STAG1: variants seen among roughly 807,000 people sequenced by gnomAD.
STAG1 encodes cohesin subunit SA-1.
Under a neutral mutation model 170.9 loss-of-function variants are expected in STAG1, and 26 were observed. The ratio of observed to expected loss-of-function variants is 0.15; its 90% CI spans 0.11 to 0.21. The LOEUF is 0.21. STAG1 is among the 10% of genes least tolerant of loss of function. The pLI is 1.00. For missense variants in STAG1, 964 were observed against 1,509.5 expected (o/e 0.64, Z 5.99); for synonymous variants, 514 against 497.7 (o/e 1.03, Z -0.44).
At chr3:136,493,656 G>GAA (rs549570470) in intron 9 of STAG1, among the ~76,000 whole-genome samples, 7 of 63,156 alleles carry the variant, frequency 1.1e-4, no homozygotes, top group Non-Finnish European at 1.6e-4. Flanking sequence ...TCCTGTCTCC[G>GAA]AAAAAAAAAA....
intron 4 of STAG1, among the ~76,000 whole-genome samples, chr3:136,570,614 T>C (rs1052992329): frequency 1.3e-5 from 2 of 152,212 alleles, no homozygotes; most frequent in African/African-American, 4.8e-5. Flanking sequence ...AAACAATTTC[T>C]CATAACAAGT....
At chr3:136,504,961 C>T (rs942808930) in intron 7 of STAG1, among the ~76,000 whole-genome samples, 2 of 152,028 alleles carry the variant, frequency 1.3e-5, no homozygotes, top group African/African-American at 2.4e-5. Context: ...TCTTCGGAAA[C>T]ATATTAGGTA....
chr3:136,605,218 A>C (rs1449371748), intron 3 of STAG1, among the ~76,000 whole-genome samples: 1 of 152,206 alleles, frequency 6.6e-6, no homozygotes, highest in Non-Finnish European at 1.5e-5. Flanking sequence ...CAATAAACAA[A>C]ACAGACAAAC....
chr3:136,734,708 G>GT lies in STAG1; in HGVS notation c.-84+17486dup, dbSNP rs565067043. 4.2e-3 allele frequency among the ~76,000 whole-genome samples: 636 copies of GT among 152,202 alleles called. 3 individuals are homozygous for GT. Among genetic ancestry groups the GT allele is most frequent in the Admixed American group, 7.6e-3 (116 of 15,282 alleles). On this transcript the variant is annotated intron_variant, in intron 1 of 33. Transcript: ENST00000383202. ...TGGTTTGTTTTGTTGCTTTAGGGGT[G>GT]TTTTTTGTTTTGTTTTTAATCTCTC...
chr3:136,373,139 G>A (rs1192431207), intron 23 of STAG1, among the ~76,000 whole-genome samples: 1 of 152,182 alleles, frequency 6.6e-6, no homozygotes, highest in African/African-American at 2.4e-5. Context: ...TTTGCATAGA[G>A]GTGTTTATAG....
At chr3:136,380,502 AG>A (rs1037920183) in intron 22 of STAG1, among the ~76,000 whole-genome samples, 4 of 152,074 alleles carry the variant, frequency 2.6e-5, no homozygotes, top group Non-Finnish European at 5.9e-5. Context: ...AGCCTCACTA[AG>A]TGCTAGGATT....
At chr3:136,501,864 A>C (rs1001181524) in intron 8 of STAG1, among the ~76,000 whole-genome samples, 3 of 152,150 alleles carry the variant, frequency 2.0e-5, no homozygotes, top group African/African-American at 7.2e-5. Flanking sequence ...GTAGTATTGG[A>C]TAAATAAAAA....
rs10686674 is a variant in STAG1 at position 136,475,138 on chromosome 3, CTTTTTTT to C, written c.1027-1508_1027-1502del. ...ACTTTCCTCACTTTTTTATAGGTTC[CTTTTTTT>C]TTTTTTTTTTTTTTTTTTGAGGCAG... On this transcript the variant is annotated intron_variant, in intron 10 of 33. Transcript: ENST00000383202. Among the ~76,000 whole-genome samples, 12 of 76,032 alleles carry C rather than the reference CTTTTTTT, an allele frequency of 1.6e-4. 1 individual carries two copies. Among genetic ancestry groups the C allele is most frequent in the South Asian group, 1.3e-3 (2 of 1,590 alleles). 49.9% of individuals were successfully genotyped at this position (76,032 alleles called of 152,430 possible). A position where few individuals can be genotyped will look rare whatever the true frequency, so the allele number is the denominator to read the frequency against.
At chr3:136,670,611 G>A (rs774500498) in intron 1 of STAG1, among the ~76,000 whole-genome samples, 5 of 151,888 alleles carry the variant, frequency 3.3e-5, no homozygotes, top group African/African-American at 4.8e-5. Flanking sequence ...TGAAGAGTAG[G>A]GATTACAGGC....
At chr3:136,650,220 A>T (rs926176032) in intron 1 of STAG1, among the ~76,000 whole-genome samples, 6 of 151,344 alleles carry the variant, frequency 4.0e-5, no homozygotes, top group Admixed American at 3.9e-4. Flanking sequence ...TGGGTGACAA[A>T]GTGAGACCCT....
At chr3:136,724,545 T>C (rs1476922350) in intron 1 of STAG1, among the ~76,000 whole-genome samples, 1 of 151,040 alleles carries the variant, frequency 6.6e-6, no homozygotes, top group Non-Finnish European at 1.5e-5. Context: ...CCCTCCACTA[T>C]TGTCCTATGA....
At chr3:136,352,634 T>C (rs1936477232) in intron 28 of STAG1, among the ~76,000 whole-genome samples, 1 of 152,222 alleles carries the variant, frequency 6.6e-6, no homozygotes, top group South Asian at 2.1e-4. Context: ...TTTTTTTACT[T>C]TATGATAGTG....
At chr3:136,750,184 T>C (rs1935157659) in intron 1 of STAG1, among the ~76,000 whole-genome samples, 1 of 151,966 alleles carries the variant, frequency 6.6e-6, no homozygotes, top group Non-Finnish European at 1.5e-5. Context: ...ATCCCCATTT[T>C]ATTTTATTTT....
chr3:136,749,532 G>A (rs1285592964), intron 1 of STAG1, among the ~76,000 whole-genome samples: 1 of 152,132 alleles, frequency 6.6e-6, no homozygotes. Flanking sequence ...CAGATCACGA[G>A]GTGAAGAGAT....
At chr3:136,731,826 A>G (rs922620200) in intron 1 of STAG1, among the ~76,000 whole-genome samples, 6 of 152,210 alleles carry the variant, frequency 3.9e-5, no homozygotes, top group African/African-American at 1.4e-4. Context: ...ACCAGAAACT[A>G]TAAGTGCTAT....
intron 22 of STAG1, among the ~76,000 whole-genome samples, chr3:136,389,727 C>T (rs2086957794): frequency 2.0e-5 from 3 of 152,154 alleles, no homozygotes; most frequent in East Asian, 3.9e-4. Flanking sequence ...ACCATGTTGG[C>T]CAGGCTGGTC....
Position 136,473,528 on chromosome 3 carries a change from T to C in STAG1, c.1125+11A>G. 3 of 1,576,802 alleles carry C rather than the reference T, an allele frequency of 1.9e-6. No homozygotes were observed. The highest frequency in any genetic ancestry group is 2.2e-5 in the East Asian group (1 of 44,566). On this transcript the variant is annotated intron_variant, in intron 11 of 33. Coordinates refer to ENST00000383202, the MANE Select transcript of STAG1 (RefSeq NM_005862.3). ...GAAAAATTAAATAAGCTTATCATTC[T>C]TGATGCTTACCTTGAATCGGTTAGT...
chr3:136,565,140 G>C (rs1206553142), intron 5 of STAG1, among the ~76,000 whole-genome samples: 1 of 149,130 alleles, frequency 6.7e-6, no homozygotes, highest in Non-Finnish European at 1.5e-5. Context: ...AAAGGGAAGA[G>C]AAAGGAAAGA....
At position 136,477,151 on chromosome 3, in the gene STAG1, T is replaced by C. The variant is rs73863623; in HGVS notation, c.1026+138A>G. On this transcript the variant is annotated intron_variant, in intron 10 of 33. Transcript: ENST00000383202. The stretch of plus-strand genomic sequence containing the variant: ...AGTTTCATCACAATCATCAAGTAAA[T>C]AGTTATTCAGCTGCATCATCTTAAA... 0.025 allele frequency: 21,895 copies of C among 880,294 alleles called. 3,209 individuals are homozygous for C. The African/African-American group carries it at 0.33, about 13-fold the overall frequency. 54.5% of individuals were successfully genotyped at this position (880,294 alleles called of 1,614,324 possible).
Sources: allele counts gnomAD v4.1 joint callset (sites outside exome capture counted in the v4.1 genomes callset), GRCh38; gene constraint gnomAD v4.1.1; transcripts MANE v1.5; gene names NCBI Gene and HGNC (gene_info 2026-07-23, HGNC 2026-07-21).